RUNDC3A: variants seen among roughly 807,000 people sequenced by gnomAD.
RUNDC3A encodes RUN domain containing 3A.
RUNDC3A carries 28 observed loss-of-function variants against 53.9 expected under a neutral mutation model. The observed-to-expected ratio is 0.52, with a 90% confidence interval of 0.38 to 0.71. The LOEUF (loss-of-function observed/expected upper bound fraction) is 0.71, where lower values mean the gene tolerates loss of function less well. Ranked by LOEUF, RUNDC3A falls within the 30% of genes least tolerant of loss-of-function variation. The probability of loss-of-function intolerance (pLI) is 0.00; values close to 1 mark genes in which losing one functional copy is unlikely to be tolerated. For missense variants in RUNDC3A, 491 were observed against 597.3 expected (o/e 0.82, Z 1.85); for synonymous variants, 232 against 249.4 (o/e 0.93, Z 0.66).
In RUNDC3A at chr17:44,315,820, A is replaced by T. The variant is rs972465355; in HGVS notation, c.953+211A>T. 4 of 429,828 alleles carry T rather than the reference A, an allele frequency of 9.3e-6. No individual in the cohort carries two copies. Among genetic ancestry groups the T allele is most frequent in the Non-Finnish European group, 1.6e-5 (4 of 250,778 alleles). 26.6% of individuals were successfully genotyped at this position (429,828 alleles called of 1,614,324 possible). A position where few individuals can be genotyped will look rare whatever the true frequency, so the allele number is the denominator to read the frequency against. On this transcript the variant is annotated intron_variant, in intron 8 of 10. Coordinates refer to ENST00000426726, the MANE Select transcript of RUNDC3A (RefSeq NM_001144825.2). This position sits in a 1 kb window ranked among gnomAD's most constrained non-coding sequence, Gnocchi z 6.1. The stretch of plus-strand genomic sequence containing the variant: ...AGCATAAGATCCAGTGACTTCCAAC[A>T]GCCAGAGCCCACCCTTCACCTTCAG...
chr17:44,317,539 G>A (rs1410981802), intron 10 of RUNDC3A: 2 of 780,832 alleles, frequency 2.6e-6, no homozygotes, highest in East Asian at 2.4e-5. Flanking sequence ...GGACTTCAAC[G>A]CATGCACTTT....
chr17:44,318,035 C>T (rs1363500293), intron 10 of RUNDC3A, 61 bp from the exon 11 acceptor site: 6 of 1,506,150 alleles, frequency 4.0e-6, no homozygotes, highest in Non-Finnish European at 5.4e-6. Context: ...ACTGCCCACC[C>T]CTCTACCAAC....
At chr17:44,310,413 G>A (rs1195858601) in intron 1 of RUNDC3A, among the ~76,000 whole-genome samples, 8 of 152,210 alleles carry the variant, frequency 5.3e-5, no homozygotes, top group African/African-American at 1.2e-4. Context: ...TGCCTGCCAA[G>A]GTAGCTGAGC....
At position 44,308,799 on chromosome 17, in the gene RUNDC3A, C is replaced by G. The variant is rs1423373497; in HGVS notation, c.-34C>G. ...TGGGGCTCCGGGAGGGGTGGGGGGG[C>G]AGCGGGCGGCGGCAGCAGTGGCCGC... On this transcript the variant is annotated 5_prime_UTR_variant, in exon 1 of 11. Coordinates refer to ENST00000426726, the MANE Select transcript of RUNDC3A (RefSeq NM_001144825.2). 1.4e-6 allele frequency: 2 copies of G among 1,436,732 alleles called. No homozygotes were observed. The highest frequency in any genetic ancestry group is 1.9e-6 in the Non-Finnish European group (2 of 1,051,080). The allele number at this position is 1,436,732 out of a possible 1,614,324, so 89.0% of individuals were successfully genotyped here. A position where few individuals can be genotyped will look rare whatever the true frequency, so the allele number is the denominator to read the frequency against.
chr17:44,315,018 C>T lies in RUNDC3A; in HGVS notation c.629+9C>T, dbSNP rs968865142. On this transcript the variant is annotated intron_variant, in intron 6 of 10. Transcript: ENST00000426726. The surrounding 1 kb of genome is among the most constrained non-coding windows in gnomAD (Gnocchi z 6.1). ...CTAAAGTTCACGCAGAGGTGAGCGG[C>T]TCCATGACTGCGGCGGGGCGGGGGA... 1.4e-5 allele frequency: 22 copies of T among 1,613,698 alleles called. No homozygotes were observed. The highest frequency in any genetic ancestry group is 6.7e-5 in the East Asian group (3 of 44,874).
In RUNDC3A at chr17:44,313,182, G is replaced by A; in HGVS notation, c.302G>A (p.Cys101Tyr). 6.2e-7 allele frequency: 1 copy of A among 1,614,050 alleles called. No individual in the cohort carries two copies. ...TTTTGGGACTATATCCGGCTGGCCT[G>A]CAGCAAAGTGCCCAACAACTGTGTG... ...RGFWDYIRLA[C>Y]SKVPNNCVSS... The change falls in exon 3 of 11, where the codon TGC becomes TAC. Residue 101 changes from cysteine to tyrosine, a missense_variant. By Grantham distance (194) the Cys-to-Tyr change is radical. This residue lies in a region of RUNDC3A where 273 missense variants were observed against 389.0 expected (regional missense o/e 0.70). Transcript: ENST00000426726.
rs967772007 is a variant in RUNDC3A at position 44,316,681 on chromosome 17, G to A, written c.1154G>A (p.Arg385His). The A allele has an allele frequency of 3.9e-6, 6 of 1,550,312 alleles. No individual in the cohort carries two copies. The highest frequency in any genetic ancestry group is 5.2e-6 in the Non-Finnish European group (6 of 1,146,948). The change falls in exon 10 of 11, where the codon CGC becomes CAC. Residue 385 changes from arginine to histidine, a missense_variant. By Grantham distance (29) the Arg-to-His change is conservative. This residue lies in a region of RUNDC3A where 218 missense variants were observed against 208.2 expected (regional missense o/e 1.05). Coordinates refer to ENST00000426726, the MANE Select transcript of RUNDC3A (RefSeq NM_001144825.2). Reference protein sequence around the residue: ...AEASLSSDSQRLGEGTRDEEP... With the variant: ...AEASLSSDSQHLGEGTRDEEP... ...GCCAGTCTGAGCTCGGACTCCCAGC[G>A]CCTGGGAGAGGGCACGCGGGACGAG...
In RUNDC3A at chr17:44,316,667, C is replaced by T. The variant is rs1202584604; in HGVS notation, c.1140C>T (p.Ser380=). The part of the protein sequence containing the change: ...TEPLSAEASL[S]SDSQRLGEGT... Reference sequence around the variant, plus strand: ...CGCTGTCAGCTGAAGCCAGTCTGAGCTCGGACTCCCAGCGCCTGGGAGAGG... The same window carrying T: ...CGCTGTCAGCTGAAGCCAGTCTGAGTTCGGACTCCCAGCGCCTGGGAGAGG... Residue 380 remains serine (S), a synonymous_variant, in exon 10 of 11, where the codon AGC becomes AGT. Transcript: ENST00000426726. The T allele has an allele frequency of 1.0e-5, 16 of 1,550,640 alleles. No homozygotes were observed. In the East Asian group the frequency reaches 2.2e-4, roughly 21 times the overall value.
In RUNDC3A at chr17:44,309,291, C is replaced by T. The variant is rs536766994; in HGVS notation, c.107+352C>T. On this transcript the variant is annotated intron_variant, in intron 1 of 10. Coordinates refer to ENST00000426726, the MANE Select transcript of RUNDC3A (RefSeq NM_001144825.2). Reference sequence around the variant, plus strand: ...GGGGCAGGATGGACAGAGGGGACCCCGTGGGGGGATGAATGCCCTCCAAGC... The same window carrying T: ...GGGGCAGGATGGACAGAGGGGACCCTGTGGGGGGATGAATGCCCTCCAAGC... Among the ~76,000 whole-genome samples the T allele has an allele frequency of 1.1e-4, 16 of 152,148 alleles. No individual in the cohort carries two copies. The South Asian group carries it at 2.9e-3, about 28-fold the overall frequency.
chr17:44,318,209 G>T lies in RUNDC3A; in HGVS notation c.1312G>T (p.Glu438Ter). 6.4e-7 allele frequency: 1 copy of T among 1,551,242 alleles called. No individual in the cohort carries two copies. The change falls in exon 11 of 11, where the codon GAG (glutamate) becomes TAG (stop). Residue 438 changes from glutamate (E) to a stop codon, truncating the protein, a stop_gained. Transcript: ENST00000426726. LOFTEE classifies it high-confidence loss of function. The stretch of plus-strand genomic sequence containing the variant: ...CGAGTGCCTGGTGAGCGACAGTCCC[G>T]AGGGCAGCCCAGCACTGAGCCCCAG... Reference protein sequence around the residue: ...SNECLVSDSPEGSPALSPS With the variant: ...SNECLVSDSP
At chr17:44,316,982 G>T in intron 10 of RUNDC3A, 1 of 463,258 alleles carries the variant, frequency 2.2e-6, no homozygotes, top group South Asian at 4.1e-5. Flanking sequence ...GCCACCACGC[G>T]CAGCTAATTT....
intron 2 of RUNDC3A, among the ~76,000 whole-genome samples, 152 bp from the exon 3 acceptor site, chr17:44,312,952 C>A (rs979897057): frequency 1.3e-5 from 2 of 152,234 alleles, no homozygotes; most frequent in African/African-American, 2.4e-5. Flanking sequence ...CATGGGCAAG[C>A]GATATGCTGG....
At chr17:44,316,567 C>T in intron 9 of RUNDC3A, 45 bp downstream of exon 9, 7 of 1,587,058 alleles carry the variant, frequency 4.4e-6, no homozygotes, top group Non-Finnish European at 6.0e-6. Context: ...GCGGGTCGTC[C>T]TGGGGAAGAA....
At position 44,318,531 on chromosome 17, in the gene RUNDC3A, G is replaced by GC; in HGVS notation, c.*298dup. The GC allele has an allele frequency of 2.6e-6, 1 of 389,232 alleles. No individual in the cohort carries two copies. Among genetic ancestry groups the GC allele is most frequent in the Non-Finnish European group, 4.8e-6 (1 of 209,770 alleles). 24.1% of individuals were successfully genotyped at this position (389,232 alleles called of 1,614,324 possible). A position where few individuals can be genotyped will look rare whatever the true frequency, so the allele number is the denominator to read the frequency against. On this transcript the variant is annotated 3_prime_UTR_variant, in exon 11 of 11. Coordinates refer to ENST00000426726, the MANE Select transcript of RUNDC3A (RefSeq NM_001144825.2). Reference sequence around the variant, plus strand: ...TGGCGCTCCTTCACTCATCTCCCCTGCCCCCTCAGGAACTGGTGGCCCAGC... The same window carrying GC: ...TGGCGCTCCTTCACTCATCTCCCCTGCCCCCCTCAGGAACTGGTGGCCCAGC...
intron 10 of RUNDC3A, chr17:44,317,430 G>A (rs1449533727): frequency 1.7e-5 from 13 of 780,742 alleles, no homozygotes; most frequent in East Asian, 7.3e-5. Context: ...CTTATCTCAT[G>A]CACACTGTGA....
chr17:44,313,630 A>G, intron 4 of RUNDC3A, 127 bp downstream of exon 4: 1 of 1,369,596 alleles, frequency 7.3e-7, no homozygotes, highest in Non-Finnish European at 9.5e-7. Context: ...ACCAGCACAC[A>G]TGGCTGATTT....
At position 44,312,686 on chromosome 17, in the gene RUNDC3A, C is replaced by T. The variant is rs371736071; in HGVS notation, c.214C>T (p.Arg72Cys). The T allele has an allele frequency of 2.2e-4, 344 of 1,557,784 alleles. No individual in the cohort carries two copies. The highest frequency in any genetic ancestry group is 2.9e-4 in the Non-Finnish European group (333 of 1,150,340). ...CATTTTAGAGCAGATCCTCAGCCAC[C>T]GCTTCAAAGGTGGGCCCAGCGCCCC... ...AAILEQILSHRFKACAPAGPV... is the reference protein window; with the variant it reads ...AAILEQILSHCFKACAPAGPV... Residue 72 changes from arginine to cysteine, a missense_variant, in exon 2 of 11, where the codon CGC becomes TGC. Transcript: ENST00000426726.
rs913920378 is a variant in RUNDC3A at position 44,318,531 on chromosome 17, G to T, written c.*293G>T. ...TGGCGCTCCTTCACTCATCTCCCCT[G>T]CCCCCTCAGGAACTGGTGGCCCAGC... On this transcript the variant is annotated 3_prime_UTR_variant, in exon 11 of 11. Transcript: ENST00000426726. 6 of 389,114 alleles carry T rather than the reference G, an allele frequency of 1.5e-5. No homozygotes were observed. Among genetic ancestry groups the T allele is most frequent in the African/African-American group, 1.2e-4 (6 of 49,768 alleles). 24.1% of individuals were successfully genotyped at this position (389,114 alleles called of 1,614,324 possible). A position where few individuals can be genotyped will look rare whatever the true frequency, so the allele number is the denominator to read the frequency against.
chr17:44,313,070 G>C, intron 2 of RUNDC3A, 34 bp from the exon 3 acceptor site: 1 of 1,609,218 alleles, frequency 6.2e-7, no homozygotes, highest in Non-Finnish European at 8.5e-7. Flanking sequence ...CAAACTCCCT[G>C]GTCTTGCTGA....
Sources: allele counts gnomAD v4.1 joint callset (sites outside exome capture counted in the v4.1 genomes callset), GRCh38; gene constraint gnomAD v4.1.1; regional missense constraint gnomAD v4.1.1; non-coding constraint Gnocchi (gnomAD v3.1); transcripts MANE v1.5; gene names NCBI Gene and HGNC (gene_info 2026-07-23, HGNC 2026-07-21).